CD2: variants seen among roughly 807,000 people sequenced by gnomAD.
The protein encoded by CD2 is CD2 molecule.
A neutral mutation model predicts 23.2 loss-of-function variants in CD2; 18 were observed. The ratio of observed to expected loss-of-function variants is 0.77; its 90% CI spans 0.54 to 1.15. The LOEUF is 1.15. Ranked by LOEUF, CD2 falls within the 50% of genes most tolerant of loss-of-function variation. The pLI is 0.00. For synonymous variants in CD2, 162 were observed against 151.9 expected, an observed-to-expected ratio of 1.07 and a Z score of -0.49; for missense variants, 424 against 423.1, an observed-to-expected ratio of 1.00 and a Z score of -0.02.
At chr1:116,763,435 G>A (rs746881091) in intron 3 of CD2, among the ~76,000 whole-genome samples, 16 of 152,118 alleles carry the variant, frequency 1.1e-4, no homozygotes, top group Non-Finnish European at 1.2e-4. Context: ...CCCCTGACCC[G>A]AGCCCCACTG....
chr1:116,754,546 T>C lies in CD2; in HGVS notation c.54T>C (p.Ser18=), dbSNP rs768781886. Residue 18 remains serine, a synonymous_variant, in exon 1 of 5, where the codon TCT becomes TCC. Coordinates refer to ENST00000369478, the MANE Select transcript of CD2 (RefSeq NM_001767.5). The stretch of plus-strand genomic sequence containing the variant: ...GCTTCCTTCTGATTTTCAATGTTTC[T>C]TCCAAAGGTAAGCATAAGAGTCAAA... ...VASFLLIFNV[S]SKGAVSKEIT... 5.6e-6 allele frequency: 9 copies of C among 1,614,066 alleles called. No homozygotes were observed. The highest frequency in any genetic ancestry group is 7.6e-6 in the Non-Finnish European group (9 of 1,179,980).
At chr1:116,759,164 G>C (rs1415770370) in intron 2 of CD2, among the ~76,000 whole-genome samples, 3 of 152,202 alleles carry the variant, frequency 2.0e-5, no homozygotes, top group Admixed American at 6.5e-5. Flanking sequence ...CTCTGTTGCT[G>C]AATGTTGATA....
chr1:116,759,250 C>CTA (rs1259824460), intron 2 of CD2, among the ~76,000 whole-genome samples: 1 of 152,048 alleles, frequency 6.6e-6, no homozygotes, highest in East Asian at 1.9e-4. Context: ...TTCTGCATGC[C>CTA]TATATATATC....
Position 116,754,639 on chromosome 1 carries a change from T to G in CD2, c.70T>G (p.Ser24Ala), listed in dbSNP as rs776251862. 3.1e-6 allele frequency: 5 copies of G among 1,607,878 alleles called. No individual in the cohort carries two copies. The highest frequency in any genetic ancestry group is 1.7e-6 in the Non-Finnish European group (2 of 1,178,294). Reference sequence around the variant, plus strand: ...TCTTTTGCTTTTTATAGGTGCAGTCTCCAAAGAGATTACGAATGCCTTGGA... The same window carrying G: ...TCTTTTGCTTTTTATAGGTGCAGTCGCCAAAGAGATTACGAATGCCTTGGA... The part of the protein sequence containing the change: ...IFNVSSKGAV[S>A]KEITNALETW... Residue 24 changes from serine (S) to alanine (A), a missense_variant, in exon 2 of 5, where the codon TCC (serine) becomes GCC (alanine). Coordinates refer to ENST00000369478, the MANE Select transcript of CD2 (RefSeq NM_001767.5).
At chr1:116,755,055 G>A (rs369410847) in intron 2 of CD2, 104 bp downstream of exon 2, 2 of 781,490 alleles carry the variant, frequency 2.6e-6, no homozygotes, top group East Asian at 2.6e-5. Flanking sequence ...CTGCCTCCAG[G>A]GGGGCTATAC....
Position 116,768,694 on chromosome 1 carries a change from C to T in CD2, c.967C>T (p.Gln323Ter), listed in dbSNP as rs1224210638. 1.2e-6 allele frequency: 2 copies of T among 1,614,142 alleles called. No individual in the cohort carries two copies. The highest frequency in any genetic ancestry group is 1.1e-5 in the South Asian group (1 of 91,074). The stretch of plus-strand genomic sequence containing the variant: ...TCCGTCGGGCACACAAGTTCACCAG[C>T]AGAAAGGCCCGCCCCTCCCCAGACC... ...PAPSGTQVHQ[Q>*]KGPPLPRPRV... Residue 323 changes from glutamine (Q) to a stop codon, truncating the protein, a stop_gained, in exon 5 of 5, where the codon CAG becomes TAG. Transcript: ENST00000369478. LOFTEE classifies it low-confidence loss of function (END_TRUNC).
intron 4 of CD2, among the ~76,000 whole-genome samples, chr1:116,766,578 A>T (rs1652220821): frequency 6.6e-6 from 1 of 152,120 alleles, no homozygotes; most frequent in Admixed American, 6.5e-5. Context: ...TGTATGGGCC[A>T]AGTGTGGTGG....
chr1:116,759,482 G>A (rs1307791001), intron 2 of CD2, among the ~76,000 whole-genome samples: 1 of 152,050 alleles, frequency 6.6e-6, no homozygotes, highest in African/African-American at 2.4e-5. Context: ...GCTAGGAAGT[G>A]ATGGGGCTAA....
At chr1:116,760,806 G>A (rs566892618) in intron 3 of CD2, among the ~76,000 whole-genome samples, 174 bp downstream of exon 3, 1 of 152,344 alleles carries the variant, frequency 6.6e-6, no homozygotes, top group East Asian at 1.9e-4. Context: ...GGGAGGTGGT[G>A]TTCTATGGTT....
rs142507108 is a variant in CD2 at position 116,767,448 on chromosome 1, G to A, written c.737-1016G>A. On this transcript the variant is annotated intron_variant, in intron 4 of 4. Coordinates refer to ENST00000369478, the MANE Select transcript of CD2 (RefSeq NM_001767.5). ...CTCTACTAAAAATACAATATTAGCC[G>A]GGCGTGGTGGTGAACGCCTGTAATC... is the stretch of plus-strand genomic sequence containing the variant. Among the ~76,000 whole-genome samples, 992 of 152,026 alleles carry A rather than the reference G, an allele frequency of 6.5e-3. 3 individuals carry two copies. The highest frequency in any genetic ancestry group is 0.015 in the African/African-American group (611 of 41,456).
intron 2 of CD2, 93 bp downstream of exon 2, chr1:116,755,044 T>A: frequency 1.2e-6 from 1 of 857,650 alleles, no homozygotes; most frequent in Non-Finnish European, 1.8e-6. Flanking sequence ...AGCGCTGACC[T>A]CTGCCTCCAG....
At chr1:116,764,373 G>A in intron 3 of CD2, 111 bp from the exon 4 acceptor site, 2 of 1,487,178 alleles carry the variant, frequency 1.3e-6, no homozygotes, top group Non-Finnish European at 8.9e-7. Context: ...GGGGTGAAAG[G>A]TCCCAACAAG....
chr1:116,762,873 A>C (rs1371591210), intron 3 of CD2, among the ~76,000 whole-genome samples: 1 of 152,228 alleles, frequency 6.6e-6, no homozygotes, highest in African/African-American at 2.4e-5. Context: ...TGTGTAAGGC[A>C]TTGCCTACAT....
At chr1:116,758,952 C>A (rs995705569) in intron 2 of CD2, among the ~76,000 whole-genome samples, 2 of 152,094 alleles carry the variant, frequency 1.3e-5, no homozygotes, top group East Asian at 3.9e-4. Context: ...ATGACCTTTT[C>A]TTTTTTTTCT....
In CD2 at chr1:116,768,646, C is replaced by A. The variant is rs2101175461; in HGVS notation, c.919C>A (p.Gln307Lys). The change falls in exon 5 of 5, where the codon CAG becomes AAG. Residue 307 changes from glutamine (Q) to lysine (K), a missense_variant. Physicochemically the swap from Gln to Lys is moderately conservative, Grantham distance 53. Transcript: ENST00000369478. ...GCCTCCTGGACACCGTGTTCAGCAC[C>A]AGCCTCAGAAGAGGCCTCCTGCTCC... is the stretch of plus-strand genomic sequence containing the variant. The part of the protein sequence containing the change: ...PPPPGHRVQH[Q>K]PQKRPPAPSG... 6.2e-7 allele frequency: 1 copy of A among 1,614,104 alleles called. No homozygotes were observed. The highest frequency in any genetic ancestry group is 8.5e-7 in the Non-Finnish European group (1 of 1,180,020).
chr1:116,755,516 G>C (rs1392854968), intron 2 of CD2, among the ~76,000 whole-genome samples: 3 of 152,224 alleles, frequency 2.0e-5, no homozygotes, highest in Non-Finnish European at 4.4e-5. Flanking sequence ...GATGCACAAG[G>C]TGTGGCTTTG....
In CD2 at chr1:116,767,381, C is replaced by T. The variant is rs1009637350; in HGVS notation, c.737-1083C>T. Among the ~76,000 whole-genome samples the T allele has an allele frequency of 2.4e-4, 36 of 152,018 alleles. 1 individual carries two copies. Among genetic ancestry groups the T allele is most frequent in the Admixed American group, 5.2e-4 (8 of 15,264 alleles). ...GGCCAAGGCAGGCAGATCACCTGGT[C>T]GGGAGTTCGAGACCAGCCTGACCAA... On this transcript the variant is annotated intron_variant, in intron 4 of 4. Coordinates refer to ENST00000369478, the MANE Select transcript of CD2 (RefSeq NM_001767.5).
intron 3 of CD2, 142 bp from the exon 4 acceptor site, chr1:116,764,342 C>A (rs1191770691): frequency 1.5e-6 from 2 of 1,331,414 alleles, no homozygotes; most frequent in African/African-American, 1.5e-5. Flanking sequence ...ACTCACCACC[C>A]TCTGTGAGCC....
chr1:116,763,507 C>T (rs1245141932), intron 3 of CD2, among the ~76,000 whole-genome samples: 1 of 152,212 alleles, frequency 6.6e-6, no homozygotes, highest in Non-Finnish European at 1.5e-5. Context: ...CTCCTGTTTC[C>T]CCTGTTGCTG....
Sources: allele counts gnomAD v4.1 joint callset (sites outside exome capture counted in the v4.1 genomes callset), GRCh38; gene constraint gnomAD v4.1.1; transcripts MANE v1.5; gene names NCBI Gene and HGNC (gene_info 2026-07-23, HGNC 2026-07-21).